MYO1D: variants seen among roughly 807,000 people sequenced by gnomAD.
MYO1D encodes myosin ID.
A neutral mutation model predicts 122.0 loss-of-function variants in MYO1D; 83 were observed. The ratio of observed to expected loss-of-function variants is 0.68; its 90% CI spans 0.57 to 0.82. The LOEUF is 0.82. Ranked by LOEUF, MYO1D falls within the 40% of genes least tolerant of loss-of-function variation. The probability of loss-of-function intolerance (pLI) is 0.00; values close to 1 mark genes in which losing one functional copy is unlikely to be tolerated. For missense variants in MYO1D, 1,157 were observed against 1,269.5 expected, an observed-to-expected ratio of 0.91 and a Z score of 1.35; for synonymous variants, 464 against 446.9, an observed-to-expected ratio of 1.04 and a Z score of -0.48.
At position 32,638,804 on chromosome 17, in the gene MYO1D, GCT is replaced by G; in HGVS notation, c.2625_2626del (p.Arg875SerfsTer6). The G allele has an allele frequency of 6.2e-7, 1 of 1,613,754 alleles. No individual in the cohort carries two copies. The highest frequency in any genetic ancestry group is 1.1e-5 in the South Asian group (1 of 91,060). On this transcript the variant is annotated frameshift_variant, in exon 20 of 22. Coordinates refer to ENST00000318217, the MANE Select transcript of MYO1D (RefSeq NM_015194.3). LOFTEE classifies it high-confidence loss of function. ...CAGGTGACGGTCAGTGACAAAAATT[GCT>G]CTGTCTTCCACCTTACTAAATCGAT...
chr17:32,696,244 A>G (rs1354945798), intron 16 of MYO1D, among the ~76,000 whole-genome samples: 1 of 152,188 alleles, frequency 6.6e-6, no homozygotes, highest in Admixed American at 6.5e-5. Flanking sequence ...GAATGACAAA[A>G]AACTGAAAAA....
intron 21 of MYO1D, among the ~76,000 whole-genome samples, chr17:32,597,781 T>C (rs2087512309): frequency 1.3e-5 from 2 of 150,454 alleles, no homozygotes; most frequent in South Asian, 4.2e-4. Context: ...GGCAGGAGAA[T>C]TGCTTGAACC....
At chr17:32,636,253 C>G (rs570083748) in intron 20 of MYO1D, among the ~76,000 whole-genome samples, 6 of 152,314 alleles carry the variant, frequency 3.9e-5, no homozygotes, top group Non-Finnish European at 8.8e-5. Flanking sequence ...ACAAAAACCT[C>G]AAATTCAATA....
intron 11 of MYO1D, among the ~76,000 whole-genome samples, chr17:32,751,966 A>G (rs1567624214): frequency 6.6e-6 from 1 of 152,220 alleles, no homozygotes; most frequent in Non-Finnish European, 1.5e-5. Flanking sequence ...CCAAATAGCC[A>G]AAGCAATTCT....
chr17:32,591,159 G>A (rs972232028), intron 21 of MYO1D, among the ~76,000 whole-genome samples: 22 of 152,208 alleles, frequency 1.4e-4, no homozygotes, highest in Admixed American at 5.9e-4. Context: ...GATGGGCACC[G>A]TGCACAGGGA....
rs572541824 is a variant in MYO1D, at chr17:32,722,515, T to C, written c.1747-1326A>G. Among the ~76,000 whole-genome samples, 48 of 152,344 alleles carry C rather than the reference T, an allele frequency of 3.2e-4. 1 individual carries two copies. Among genetic ancestry groups the C allele is most frequent in the Middle Eastern group, 6.8e-3 (2 of 294 alleles). ...CAGCAATGGCCAGTTGAGTCTTTTA[T>C]GATGTCACCTCTTCGTTCTGACTTT... On this transcript the variant is annotated intron_variant, in intron 14 of 21. Transcript: ENST00000318217.
At chr17:32,604,364 A>C (rs2087600522) in intron 21 of MYO1D, among the ~76,000 whole-genome samples, 1 of 152,172 alleles carries the variant, frequency 6.6e-6, no homozygotes, top group South Asian at 2.1e-4. Flanking sequence ...TGCCACAAAG[A>C]GAGCACTTGA....
chr17:32,640,824 A>G (rs1011919261), intron 19 of MYO1D, among the ~76,000 whole-genome samples: 1 of 152,012 alleles, frequency 6.6e-6, no homozygotes, highest in Non-Finnish European at 1.5e-5. Context: ...GTAAGGGTCC[A>G]TGGACAAGTT....
rs141584403 is a variant in MYO1D, at chr17:32,571,513, T to C, written c.2864+33574A>G. Among the ~76,000 whole-genome samples the C allele has an allele frequency of 5.3e-3, 812 of 152,306 alleles. 6 individuals are homozygous for C. Among genetic ancestry groups the C allele is most frequent in the African/African-American group, 0.019 (777 of 41,558 alleles). On this transcript the variant is annotated intron_variant, in intron 21 of 21. Coordinates refer to ENST00000318217, the MANE Select transcript of MYO1D (RefSeq NM_015194.3). Reference sequence around the variant, plus strand: ...AATTCTGGTGGGGTCGCGTTGATAATTCCTTGTTCTCCAGAAGGTAGCAGA... The same window carrying C: ...AATTCTGGTGGGGTCGCGTTGATAACTCCTTGTTCTCCAGAAGGTAGCAGA...
intron 21 of MYO1D, among the ~76,000 whole-genome samples, chr17:32,551,133 G>A (rs779610136): frequency 1.3e-5 from 2 of 152,154 alleles, no homozygotes; most frequent in Admixed American, 1.3e-4. Context: ...TAAACATTGA[G>A]TGGCTGGTAG....
chr17:32,590,722 G>A (rs2087431712), intron 21 of MYO1D, among the ~76,000 whole-genome samples: 1 of 152,034 alleles, frequency 6.6e-6, no homozygotes, highest in Non-Finnish European at 1.5e-5. Context: ...CATTAAGAGA[G>A]CTTTTTAAAA....
chr17:32,859,181 C>T (rs2091050126), intron 1 of MYO1D, among the ~76,000 whole-genome samples: 1 of 152,340 alleles, frequency 6.6e-6, no homozygotes, highest in Middle Eastern at 3.4e-3. Context: ...ATTTACTCCT[C>T]TGTCTAGCTG....
chr17:32,759,993 G>C, intron 10 of MYO1D: 1 of 591,032 alleles, frequency 1.7e-6, no homozygotes, highest in Non-Finnish European at 3.0e-6. Context: ...AATAAAGTAT[G>C]CTAAACCTAA....
chr17:32,745,874 C>T (rs974682006), intron 12 of MYO1D, among the ~76,000 whole-genome samples: 1 of 152,088 alleles, frequency 6.6e-6, no homozygotes, highest in Non-Finnish European at 1.5e-5. Flanking sequence ...GCTAAGATTG[C>T]AGTTGGTGAG....
At chr17:32,783,241 T>C (rs574249015) in intron 1 of MYO1D, among the ~76,000 whole-genome samples, 3 of 152,256 alleles carry the variant, frequency 2.0e-5, no homozygotes, top group South Asian at 4.1e-4. Flanking sequence ...AAATTATGTA[T>C]GAGATTAGAC....
intron 14 of MYO1D, among the ~76,000 whole-genome samples, chr17:32,734,503 T>G (rs2089674452): frequency 1.3e-5 from 2 of 152,198 alleles, no homozygotes; most frequent in African/African-American, 4.8e-5. Flanking sequence ...TCTGGCTTCT[T>G]AAGTTGTGCT....
intron 21 of MYO1D, among the ~76,000 whole-genome samples, chr17:32,598,626 C>A (rs115487424): frequency 6.6e-6 from 1 of 152,254 alleles, no homozygotes; most frequent in African/African-American, 2.4e-5. Context: ...TGGGTGCAGA[C>A]CACTGCAATA....
intron 10 of MYO1D, 22 bp from the exon 11 acceptor site, chr17:32,755,684 G>A: frequency 6.2e-7 from 1 of 1,601,372 alleles, no homozygotes; most frequent in South Asian, 1.1e-5. Flanking sequence ...AGCAAGGAGG[G>A]AATTCTGAAG....
chr17:32,624,748 T>C (rs1259148395), intron 20 of MYO1D, among the ~76,000 whole-genome samples: 1 of 151,798 alleles, frequency 6.6e-6, no homozygotes, highest in Non-Finnish European at 1.5e-5. Context: ...CTAAAAGAAA[T>C]GAAGATATTT....
Sources: gnomAD v4.1 joint callset for allele counts (sites outside exome capture counted in the v4.1 genomes callset) on GRCh38, gnomAD v4.1.1 for gene constraint, MANE v1.5 for transcripts, NCBI Gene and HGNC (gene_info 2026-07-23, HGNC 2026-07-21) for gene names.